Variants in EDA observed in about 807,000 individuals in gnomAD.
The protein encoded by EDA is ectodysplasin A.
EDA carries 2 observed loss-of-function variants against 23.6 expected under a neutral mutation model. The observed-to-expected ratio is 0.08, with a 90% CI of 0.03 to 0.27. The LOEUF is 0.27. Among genes scored for constraint, EDA ranks in the 10% least tolerant of loss-of-function variants. EDA has a pLI of 1.00. For missense variants in EDA, 229 were observed against 324.2 expected, an observed-to-expected ratio of 0.71 and a Z score of 2.26; for synonymous variants, 131 against 132.0, an observed-to-expected ratio of 0.99 and a Z score of 0.05.
chrX:69,683,417 C>G (rs188254104), intron 1 of EDA, among the ~76,000 whole-genome samples: 25 of 111,673 alleles, frequency 2.2e-4, no homozygotes, highest in African/African-American at 8.1e-4. Context: ...TCCCCCTACT[C>G]TCTTCTCTCA....
At chrX:69,641,132 T>G (rs1451702235) in intron 1 of EDA, among the ~76,000 whole-genome samples, 3 of 111,472 alleles carry the variant, frequency 2.7e-5, no homozygotes, top group East Asian at 5.6e-4. Context: ...GTTTGTTGTT[T>G]TTTTTTTCCT....
intron 1 of EDA, among the ~76,000 whole-genome samples, chrX:69,714,273 G>A (rs2012221749): frequency 9.0e-6 from 1 of 110,719 alleles, no homozygotes; most frequent in South Asian, 3.7e-4. Flanking sequence ...CTTGAGTTTT[G>A]AGAGTTCTTT....
chrX:69,805,937 C>T (rs745519632), intron 1 of EDA, among the ~76,000 whole-genome samples: 2 of 111,806 alleles, frequency 1.8e-5, no homozygotes, highest in South Asian at 7.4e-4. Context: ...TAGGTTATAG[C>T]ATGTCTGCCA....
chrX:69,818,125 G>T (rs1398368246), intron 1 of EDA, among the ~76,000 whole-genome samples: 1 of 111,770 alleles, frequency 8.9e-6, no homozygotes, highest in Non-Finnish European at 1.9e-5. Context: ...TGACTCTTGG[G>T]TAAATAATGA....
At chrX:69,789,545 C>G (rs2015336692) in intron 1 of EDA, among the ~76,000 whole-genome samples, 1 of 111,911 alleles carries the variant, frequency 8.9e-6, no homozygotes. Context: ...CTGTTAAAAC[C>G]TTTGTCAAAG....
chrX:69,851,457 CTT>C (rs1256830004), intron 1 of EDA, among the ~76,000 whole-genome samples: 1 of 112,497 alleles, frequency 8.9e-6, no homozygotes, highest in Non-Finnish European at 1.9e-5. Context: ...CATATTATAA[CTT>C]ATGCCAACAA....
intron 1 of EDA, among the ~76,000 whole-genome samples, chrX:69,944,164 C>T (rs893187473): frequency 8.1e-5 from 9 of 111,132 alleles, no homozygotes; most frequent in African/African-American, 9.8e-5. Context: ...TGGTGCTCTA[C>T]CCCACTGTGG....
At chrX:69,892,144 T>C (rs1324393222) in intron 1 of EDA, among the ~76,000 whole-genome samples, 1 of 112,029 alleles carries the variant, frequency 8.9e-6, no homozygotes, top group African/African-American at 3.2e-5. Flanking sequence ...TCTGGAGTTA[T>C]AAGGTATTTG....
chrX:69,769,677 C>G (rs761245786), intron 1 of EDA, among the ~76,000 whole-genome samples: 2 of 110,928 alleles, frequency 1.8e-5, no homozygotes, highest in Non-Finnish European at 3.8e-5. Flanking sequence ...AGCTTTATCT[C>G]TTAGTATGTT....
intron 1 of EDA, among the ~76,000 whole-genome samples, chrX:69,629,745 G>T (rs1932503177): frequency 9.0e-6 from 1 of 111,199 alleles, no homozygotes. Flanking sequence ...ATCTTTAAAA[G>T]CCTTCCACAT....
intron 1 of EDA, among the ~76,000 whole-genome samples, chrX:69,653,779 C>T (rs1188886599): frequency 9.0e-6 from 1 of 111,687 alleles, no homozygotes; most frequent in African/African-American, 3.3e-5. Flanking sequence ...CCCTTCCTTA[C>T]ACCTTATACA....
At chrX:69,810,814 C>T (rs1237895540) in intron 1 of EDA, among the ~76,000 whole-genome samples, 3 of 109,726 alleles carry the variant, frequency 2.7e-5, no homozygotes, top group Non-Finnish European at 5.7e-5. Context: ...AATCCTTTGG[C>T]ATGTTGACAA....
At chrX:69,937,101 C>T in intron 1 of EDA, 2 of 787,767 alleles carry the variant, frequency 2.5e-6, no homozygotes, top group Non-Finnish European at 3.8e-6. Context: ...AGAGATAAAA[C>T]CTATATACAA....
chrX:69,624,235 T>C (rs1932291626), intron 1 of EDA, among the ~76,000 whole-genome samples: 1 of 111,985 alleles, frequency 8.9e-6, no homozygotes. Flanking sequence ...TAATATTATT[T>C]GTCATGTTTT....
At chrX:69,676,633 GT>G (rs1235198387) in intron 1 of EDA, among the ~76,000 whole-genome samples, 1 of 110,207 alleles carries the variant, frequency 9.1e-6, no homozygotes, top group East Asian at 2.9e-4. Context: ...CTTGATAAAT[GT>G]TCAGTGGTGA....
At position 69,624,497 on chromosome X, in the gene EDA, G is replaced by T. The variant is rs184667120; in HGVS notation, c.396+7793G>T. ...TATATGAAAGATTATAGTAGAGATGGTTTGAGACCTCAGTTATTTTTATCT... is the reference window on the plus strand; with the variant it reads ...TATATGAAAGATTATAGTAGAGATGTTTTGAGACCTCAGTTATTTTTATCT... On this transcript the variant is annotated intron_variant, in intron 1 of 7. Coordinates refer to ENST00000374552, the MANE Select transcript of EDA (RefSeq NM_001399.5). 3.6e-4 allele frequency among the ~76,000 whole-genome samples: 40 copies of T among 111,196 alleles called. 1 individual carries two copies. In the East Asian group the frequency reaches 0.01, roughly 29 times the overall value.
intron 2 of EDA, among the ~76,000 whole-genome samples, chrX:69,980,942 G>A (rs1342978275): frequency 8.9e-6 from 1 of 112,243 alleles, no homozygotes; most frequent in African/African-American, 3.2e-5. Context: ...CAGTATCTGT[G>A]TTGACCTTTT....
At position 69,639,317 on chromosome X, in the gene EDA, C is replaced by T. The variant is rs767387728; in HGVS notation, c.396+22613C>T. 9.9e-5 allele frequency among the ~76,000 whole-genome samples: 11 copies of T among 111,668 alleles called. No homozygotes were observed. In the South Asian group the frequency reaches 3.7e-3, roughly 38 times the overall value. On this transcript the variant is annotated intron_variant, in intron 1 of 7. Coordinates refer to ENST00000374552, the MANE Select transcript of EDA (RefSeq NM_001399.5). ...ATTGCTGAGTTGTATGGTAATTCTACATTTAACTTACTGAGGAACCACCAA... is the reference window on the plus strand; with the variant it reads ...ATTGCTGAGTTGTATGGTAATTCTATATTTAACTTACTGAGGAACCACCAA...
intron 2 of EDA, among the ~76,000 whole-genome samples, chrX:69,962,063 T>C (rs1479870805): frequency 8.9e-6 from 1 of 112,319 alleles, no homozygotes; most frequent in African/African-American, 3.2e-5. Flanking sequence ...GAATCCAGAA[T>C]TCCCAAGGAG....
Sources: allele counts gnomAD v4.1 joint callset (sites outside exome capture counted in the v4.1 genomes callset), GRCh38; gene constraint gnomAD v4.1.1; transcripts MANE v1.5; gene names NCBI Gene and HGNC (gene_info 2026-07-23, HGNC 2026-07-21).